ARB2A: variants seen among roughly 807,000 people sequenced by gnomAD.
ARB2A encodes ARB2 cotranscriptional regulator A.
chr5:93,697,716 C>G, the ARB2A span, among the ~76,000 whole-genome samples: 1 of 152,060 alleles, frequency 6.6e-6, no homozygotes, highest in Non-Finnish European at 1.5e-5. Context: ...CCTGCTGTTA[C>G]GAGCGCAATG....
At chr5:93,838,625 G>C in the ARB2A span, among the ~76,000 whole-genome samples, 4 of 151,816 alleles carry the variant, frequency 2.6e-5, no homozygotes, top group African/African-American at 9.6e-5. Flanking sequence ...TCTGTAAATT[G>C]CTTTGGGCAG....
At chr5:93,619,751 C>T in the ARB2A span, 2 of 152,112 alleles carry the variant, frequency 1.3e-5, no homozygotes, top group Admixed American at 1.3e-4. Flanking sequence ...ACAGTGTTGG[C>T]CACATCTTAG....
chr5:93,876,942 G>T, the ARB2A span, among the ~76,000 whole-genome samples: 4 of 152,010 alleles, frequency 2.6e-5, no homozygotes, highest in South Asian at 8.3e-4. Flanking sequence ...CAGAAAACTA[G>T]GCAACACCAA....
the ARB2A span, chr5:93,866,287 T>A: frequency 8.1e-6 from 8 of 982,180 alleles, no homozygotes; most frequent in Non-Finnish European, 9.7e-6. Context: ...AATTCAGATA[T>A]AATGCACCAA....
At chr5:94,107,579 G>A in the ARB2A span, among the ~76,000 whole-genome samples, 1 of 149,882 alleles carries the variant, frequency 6.7e-6, no homozygotes, top group Non-Finnish European at 1.5e-5. Flanking sequence ...TAGGCAATTG[G>A]ACATTCTGGA....
the ARB2A span, among the ~76,000 whole-genome samples, chr5:93,845,919 A>C: frequency 2.6e-5 from 4 of 152,144 alleles, no homozygotes; most frequent in East Asian, 7.7e-4. Flanking sequence ...AACTGTCTCC[A>C]AAGAATTAAT....
chr5:93,824,296 C>T, the ARB2A span: 1 of 1,468,888 alleles, frequency 6.8e-7, no homozygotes, highest in Admixed American at 2.1e-5. Context: ...TCATATATTA[C>T]ATATTATACC....
At chr5:93,880,989 C>A in the ARB2A span, among the ~76,000 whole-genome samples, 1 of 151,618 alleles carries the variant, frequency 6.6e-6, no homozygotes. Context: ...AATGCATTAT[C>A]CAGTAAACCT....
At chr5:93,722,621 G>T in the ARB2A span, among the ~76,000 whole-genome samples, 3 of 152,098 alleles carry the variant, frequency 2.0e-5, no homozygotes, top group Non-Finnish European at 4.4e-5. Flanking sequence ...GAAAAAGAGT[G>T]ATTAAAGTTC....
chr5:93,715,474 T>C, the ARB2A span, among the ~76,000 whole-genome samples: 1 of 152,126 alleles, frequency 6.6e-6, no homozygotes, highest in African/African-American at 2.4e-5. Context: ...TAACCACTGG[T>C]AGGTAGTGTT....
the ARB2A span, among the ~76,000 whole-genome samples, chr5:93,941,278 C>T: frequency 6.6e-6 from 1 of 151,912 alleles, no homozygotes; most frequent in South Asian, 2.1e-4. Context: ...TGCAGCAATT[C>T]AGATTGCTTC....
chr5:93,984,346 C>T, the ARB2A span, among the ~76,000 whole-genome samples: 1 of 152,076 alleles, frequency 6.6e-6, no homozygotes, highest in African/African-American at 2.4e-5. Context: ...GCATCTTTAG[C>T]CACAGGTTAT....
At chr5:94,068,863 A>T in the ARB2A span, among the ~76,000 whole-genome samples, 2 of 88,850 alleles carry the variant, frequency 2.3e-5, no homozygotes, top group African/African-American at 3.8e-5. Flanking sequence ...CTAAAAATAC[A>T]AAAAAAAAAA....
chr5:93,871,168 A>C, the ARB2A span, among the ~76,000 whole-genome samples: 3 of 152,218 alleles, frequency 2.0e-5, no homozygotes, highest in African/African-American at 7.2e-5. Flanking sequence ...CATCACTGAT[A>C]ACTTTGAGAG....
At chr5:93,799,513 T>A in the ARB2A span, among the ~76,000 whole-genome samples, 1 of 152,112 alleles carries the variant, frequency 6.6e-6, no homozygotes, top group Non-Finnish European at 1.5e-5. Flanking sequence ...GATGTTCATG[T>A]TATTCTTTGC....
chr5:94,034,131 G>A, the ARB2A span, among the ~76,000 whole-genome samples: 14 of 152,124 alleles, frequency 9.2e-5, no homozygotes, highest in Admixed American at 3.3e-4. Flanking sequence ...ATTATCAGCC[G>A]AATAAACAAC....
chr5:93,953,805 G>C, the ARB2A span, among the ~76,000 whole-genome samples: 1 of 152,050 alleles, frequency 6.6e-6, no homozygotes, highest in Non-Finnish European at 1.5e-5. Context: ...AACCTACCCA[G>C]TTTTCTATTT....
At chr5:93,914,823 A>G in the ARB2A span, among the ~76,000 whole-genome samples, 3 of 152,034 alleles carry the variant, frequency 2.0e-5, no homozygotes, top group Middle Eastern at 3.4e-3. Flanking sequence ...GGTTGTTCAG[A>G]AGAACTCGTG....
chr5:93,893,558 C>T, the ARB2A span, among the ~76,000 whole-genome samples: 1 of 152,126 alleles, frequency 6.6e-6, no homozygotes, highest in Non-Finnish European at 1.5e-5. Context: ...ATTTCACATG[C>T]TATTTGCCAC....
Sources: allele counts gnomAD v4.1 joint callset (sites outside exome capture counted in the v4.1 genomes callset), GRCh38; gene constraint gnomAD v4.1.1; transcripts MANE v1.5; gene names NCBI Gene and HGNC (gene_info 2026-07-23, HGNC 2026-07-21).